Variants in CFAP100 observed in about 807,000 individuals in gnomAD.
The protein encoded by CFAP100 is cilia- and flagella-associated protein 100.
CFAP100 carries 70 observed loss-of-function variants against 81.5 expected under a neutral mutation model. That is an observed-to-expected ratio of 0.86 (90% CI 0.71 to 1.05). The LOEUF (loss-of-function observed/expected upper bound fraction) is 1.05. CFAP100 is among the 50% of genes least tolerant of loss of function. The pLI is 0.00. For missense variants in CFAP100, 811 were observed against 776.5 expected, an observed-to-expected ratio of 1.04 and a Z score of -0.53; for synonymous variants, 341 against 314.8, an observed-to-expected ratio of 1.08 and a Z score of -0.88.
At chr3:126,431,947 A>C (rs1196931483) in intron 13 of CFAP100, among the ~76,000 whole-genome samples, 2 of 152,168 alleles carry the variant, frequency 1.3e-5, no homozygotes, top group East Asian at 3.9e-4. Flanking sequence ...AACTCTGAGC[A>C]GCATGTCCCT....
At chr3:126,421,011 ATTTAT>A (rs1388801639) in intron 11 of CFAP100, among the ~76,000 whole-genome samples, 1 of 151,896 alleles carries the variant, frequency 6.6e-6, no homozygotes, top group Non-Finnish European at 1.5e-5. Context: ...CTATTTATTT[ATTTAT>A]TTTGAGATGG....
intron 14 of CFAP100, 197 bp from the exon 15 acceptor site, chr3:126,433,979 G>A: frequency 1.8e-6 from 1 of 568,336 alleles, no homozygotes. Flanking sequence ...CTGACTCCAG[G>A]GGGCCCGGGG....
intron 3 of CFAP100, among the ~76,000 whole-genome samples, chr3:126,413,053 T>G (rs28703066): frequency 0.048 from 7,238 of 152,318 alleles, 556 homozygotes; most frequent in African/African-American, 0.16. Context: ...TCTCTGCCCC[T>G]CTGATCAAGC....
intron 3 of CFAP100, 30 bp from the exon 4 acceptor site, chr3:126,414,055 C>T (rs757557094): frequency 5.9e-6 from 9 of 1,531,684 alleles, no homozygotes; most frequent in South Asian, 2.2e-5. Context: ...GAGCTGGCTC[C>T]CCTTTCCAGA....
intron 3 of CFAP100, among the ~76,000 whole-genome samples, chr3:126,410,957 T>G (rs1276360617): frequency 6.6e-6 from 1 of 152,198 alleles, no homozygotes; most frequent in Non-Finnish European, 1.5e-5. Context: ...CAGGGCTGCC[T>G]TCCTCCTGGA....
At chr3:126,435,244 G>A (rs1415734042) in intron 15 of CFAP100, among the ~76,000 whole-genome samples, 2 of 152,126 alleles carry the variant, frequency 1.3e-5, no homozygotes, top group South Asian at 2.1e-4. Context: ...CAGGCCATGG[G>A]TGTAGATTCA....
At chr3:126,417,655 G>T (rs1432599571) in intron 5 of CFAP100, among the ~76,000 whole-genome samples, 3 of 152,234 alleles carry the variant, frequency 2.0e-5, no homozygotes, top group African/African-American at 7.2e-5. Flanking sequence ...ATGACTCCCA[G>T]AGAGGAGCTG....
At chr3:126,419,605 C>A in intron 8 of CFAP100, 32 bp from the exon 9 acceptor site, 1 of 1,603,914 alleles carries the variant, frequency 6.2e-7, no homozygotes, top group Non-Finnish European at 8.5e-7. Context: ...CTGACCTCCT[C>A]CTTCCCACAT....
At chr3:126,433,417 C>T (rs578200065) in intron 14 of CFAP100, 2 of 573,718 alleles carry the variant, frequency 3.5e-6, no homozygotes, top group South Asian at 2.2e-5. Flanking sequence ...TCCATTGCTT[C>T]ATTCTTTTAT....
intron 2 of CFAP100, among the ~76,000 whole-genome samples, chr3:126,404,922 C>T (rs2083041388): frequency 6.6e-6 from 1 of 152,196 alleles, no homozygotes; most frequent in Non-Finnish European, 1.5e-5. Flanking sequence ...ATCCACCCAC[C>T]TCAGCTTCCC....
intron 7 of CFAP100, 130 bp from the exon 8 acceptor site, chr3:126,418,946 G>A (rs2107606326): frequency 2.0e-6 from 2 of 1,002,022 alleles, no homozygotes; most frequent in African/African-American, 1.6e-5. Flanking sequence ...AGGCTTAACT[G>A]TGTGGCTCTC....
At chr3:126,432,049 G>A (rs548960222) in intron 13 of CFAP100, among the ~76,000 whole-genome samples, 1 of 152,190 alleles carries the variant, frequency 6.6e-6, no homozygotes, top group South Asian at 2.1e-4. Flanking sequence ...GGGAGGCTGA[G>A]GCAGGAGGAT....
chr3:126,423,125 T>C (rs569186664), intron 11 of CFAP100, among the ~76,000 whole-genome samples, 200 bp from the exon 12 acceptor site: 1 of 151,732 alleles, frequency 6.6e-6, no homozygotes, highest in African/African-American at 2.4e-5. Context: ...GGAAAATGAG[T>C]GGATTGAAAC....
At chr3:126,409,907 TAA>T (rs2083127991) in intron 3 of CFAP100, among the ~76,000 whole-genome samples, 1 of 152,148 alleles carries the variant, frequency 6.6e-6, no homozygotes, top group African/African-American at 2.4e-5. Context: ...AAGGCACCAA[TAA>T]AAAGTTCCTG....
At chr3:126,407,080 G>A (rs1352544369) in intron 2 of CFAP100, 92 bp from the exon 3 acceptor site, 3 of 791,138 alleles carry the variant, frequency 3.8e-6, no homozygotes, top group African/African-American at 3.4e-5. Context: ...GAGCCTTTGT[G>A]TGTCTGAGAC....
At chr3:126,418,846 A>G in intron 7 of CFAP100, 72 bp downstream of exon 7, 7 of 1,475,382 alleles carry the variant, frequency 4.7e-6, no homozygotes, top group Non-Finnish European at 2.7e-6. Context: ...GTGCACACCC[A>G]CTTATCCAGC....
intron 14 of CFAP100, 43 bp downstream of exon 14, chr3:126,433,247 G>C: frequency 6.2e-7 from 1 of 1,607,818 alleles, no homozygotes; most frequent in Non-Finnish European, 8.5e-7. Flanking sequence ...GGGTAAGGAG[G>C]GACCCTTGGG....
chr3:126,436,067 C>T (rs1365175010), intron 16 of CFAP100, among the ~76,000 whole-genome samples: 1 of 152,232 alleles, frequency 6.6e-6, no homozygotes, highest in Non-Finnish European at 1.5e-5. Context: ...TCCCTCTGCC[C>T]CCACATCTAA....
intron 11 of CFAP100, among the ~76,000 whole-genome samples, chr3:126,421,575 G>C (rs960298865): frequency 6.6e-6 from 1 of 152,200 alleles, no homozygotes; most frequent in African/African-American, 2.4e-5. Context: ...CCCGGGCCCT[G>C]TGTCTGTGGC....
Sources: gnomAD v4.1 joint callset for allele counts (sites outside exome capture counted in the v4.1 genomes callset) on GRCh38, gnomAD v4.1.1 for gene constraint, MANE v1.5 for transcripts, NCBI Gene and HGNC (gene_info 2026-07-23, HGNC 2026-07-21) for gene names.